VIT: variants seen among roughly 807,000 people sequenced by gnomAD.
VIT encodes the protein vitrin.
VIT carries 99 observed loss-of-function variants against 78.0 expected under a neutral mutation model. The observed-to-expected ratio is 1.27, with a 90% confidence interval of 1.08 to 1.50. The LOEUF is 1.50. Among genes scored for constraint, VIT ranks in the 40% most tolerant of loss-of-function variants. The pLI is 0.00. For synonymous variants in VIT, 374 were observed against 334.3 expected, an observed-to-expected ratio of 1.12 and a Z score of -1.29; for missense variants, 1,126 against 875.3, an observed-to-expected ratio of 1.29 and a Z score of -3.61.
At chr2:36,775,169 G>A (rs1669978522) in intron 9 of VIT, 102 bp downstream of exon 9, 2 of 1,360,122 alleles carry the variant, frequency 1.5e-6, no homozygotes, top group Admixed American at 4.4e-5. Context: ...GGCCTCTGCA[G>A]CTCAACTTCA....
At chr2:36,810,927 C>G (rs1274276519) in intron 15 of VIT, among the ~76,000 whole-genome samples, 1 of 152,160 alleles carries the variant, frequency 6.6e-6, no homozygotes, top group Non-Finnish European at 1.5e-5. Context: ...AGCCACTGCA[C>G]CTGGCTTCTG....
chr2:36,730,329 A>G (rs1445394342), intron 3 of VIT, among the ~76,000 whole-genome samples: 1 of 151,886 alleles, frequency 6.6e-6, no homozygotes, highest in African/African-American at 2.4e-5. Context: ...ATCTGGAATA[A>G]TAGATGTTTA....
intron 6 of VIT, chr2:36,759,433 C>G (rs779715303): frequency 7.1e-6 from 9 of 1,268,392 alleles, no homozygotes; most frequent in East Asian, 4.1e-5. Flanking sequence ...GCAAAGAGAA[C>G]GAGGTGGTTT....
chr2:36,745,402 C>G (rs1318228974), intron 4 of VIT, among the ~76,000 whole-genome samples: 1 of 152,046 alleles, frequency 6.6e-6, no homozygotes, highest in Admixed American at 6.6e-5. Context: ...TTGCTTTGGG[C>G]AGTATGGTCA....
rs527259786 is a variant in VIT at position 36,718,692 on chromosome 2, G to A, written c.52+2270G>A. ...CTGTCAGATGGCCATGAGAAGCCCT[G>A]AGGAACTTCTAGGTACCTGGACCAG... On this transcript the variant is annotated intron_variant, in intron 2 of 15. Coordinates refer to ENST00000379242, the MANE Select transcript of VIT (RefSeq NM_053276.4). Among the ~76,000 whole-genome samples, 18 of 152,272 alleles carry A rather than the reference G, an allele frequency of 1.2e-4. No individual in the cohort carries two copies. In the South Asian group the frequency reaches 3.7e-3, roughly 32 times the overall value.
chr2:36,793,174 G>T (rs1340009350), intron 12 of VIT, among the ~76,000 whole-genome samples: 2 of 152,154 alleles, frequency 1.3e-5, no homozygotes, highest in African/African-American at 4.8e-5. Context: ...GAGCCAGTTT[G>T]TTCAGGAGTG....
chr2:36,711,376 G>A (rs1160566162), intron 1 of VIT, among the ~76,000 whole-genome samples: 1 of 152,110 alleles, frequency 6.6e-6, no homozygotes, highest in African/African-American at 2.4e-5. Flanking sequence ...TTTAAGAAAA[G>A]TCCATTTTGC....
intron 1 of VIT, among the ~76,000 whole-genome samples, chr2:36,715,603 T>G (rs1015504743): frequency 2.0e-5 from 3 of 151,844 alleles, no homozygotes; most frequent in Admixed American, 1.3e-4. Context: ...CAAACTTGGA[T>G]GTATGTTGGA....
chr2:36,786,464 A>G (rs1034991651), intron 11 of VIT, among the ~76,000 whole-genome samples: 6 of 152,136 alleles, frequency 3.9e-5, no homozygotes, highest in African/African-American at 1.2e-4. Flanking sequence ...TATAACCTTC[A>G]TATATCCACA....
intron 1 of VIT, among the ~76,000 whole-genome samples, chr2:36,700,888 G>GA (rs1329608316): frequency 6.6e-6 from 1 of 151,830 alleles, no homozygotes; most frequent in Non-Finnish European, 1.5e-5. Flanking sequence ...TTATACAGAT[G>GA]AAAAAAACGA....
chr2:36,734,277 C>T (rs530923951), intron 3 of VIT, among the ~76,000 whole-genome samples: 2 of 152,324 alleles, frequency 1.3e-5, no homozygotes, highest in East Asian at 3.9e-4. Flanking sequence ...TCTAACCTCT[C>T]TTTTAGAAGC....
At position 36,733,841 on chromosome 2, in the gene VIT, G is replaced by C. The variant is rs560178163; in HGVS notation, c.118+4350G>C. ...TCCTAAGAGGACAGGGTGGTGGGGG[G>C]CAGTGGCTCTCTCCTCTTCACTAAA... On this transcript the variant is annotated intron_variant, in intron 3 of 15. Transcript: ENST00000379242. Among the ~76,000 whole-genome samples the C allele has an allele frequency of 1.3e-4, 20 of 152,230 alleles. No homozygotes were observed. In the South Asian group the frequency reaches 3.5e-3, roughly 27 times the overall value.
At chr2:36,796,609 CT>C (rs1181365211) in intron 12 of VIT, among the ~76,000 whole-genome samples, 4 of 151,982 alleles carry the variant, frequency 2.6e-5, no homozygotes, top group Non-Finnish European at 5.9e-5. Flanking sequence ...ACATTAAATA[CT>C]TTTTTTCTGT....
chr2:36,768,467 T>C (rs746500412), intron 7 of VIT, among the ~76,000 whole-genome samples: 19 of 152,242 alleles, frequency 1.2e-4, no homozygotes, highest in Admixed American at 6.5e-5. Context: ...ATCAGCACTT[T>C]GAATATGCTA....
At chr2:36,801,948 G>C (rs1239731299) in intron 13 of VIT, among the ~76,000 whole-genome samples, 1 of 152,170 alleles carries the variant, frequency 6.6e-6, no homozygotes, top group Non-Finnish European at 1.5e-5. Context: ...CTGCTGTCCT[G>C]ACTATTTTTT....
chr2:36,745,793 A>T (rs6717485), intron 4 of VIT, among the ~76,000 whole-genome samples: 85,109 of 151,914 alleles, frequency 0.56, 24,244 homozygotes, highest in Middle Eastern at 0.62. Flanking sequence ...AAATTCCTTT[A>T]ATGTATTTCT....
Position 36,805,586 on chromosome 2 carries a change from C to A in VIT, c.1311C>A (p.Ile437=). ...EASRLARESG[I]NIFFITIEGA... ...CAAGACTTGCGAGAGAGTCAGGAAT[C>A]AACATTTTCTTCATCACCATTGAAG... Residue 437 remains isoleucine (I), a synonymous_variant, in exon 14 of 16, where the codon ATC becomes ATA. Coordinates refer to ENST00000379242, the MANE Select transcript of VIT (RefSeq NM_053276.4). The A allele has an allele frequency of 6.2e-7, 1 of 1,614,124 alleles. No homozygotes were observed. Among genetic ancestry groups the A allele is most frequent in the South Asian group, 1.1e-5 (1 of 91,074 alleles).
At chr2:36,712,865 A>C (rs1665892367) in intron 1 of VIT, among the ~76,000 whole-genome samples, 1 of 152,248 alleles carries the variant, frequency 6.6e-6, no homozygotes, top group South Asian at 2.1e-4. Flanking sequence ...TGTATAATTC[A>C]GTAGTTTCTA....
intron 12 of VIT, chr2:36,787,885 T>G: frequency 2.2e-6 from 1 of 453,362 alleles, no homozygotes; most frequent in South Asian, 1.6e-5. Context: ...CCTAGATGAC[T>G]TTCGCCAACC....
Sources: allele counts gnomAD v4.1 joint callset (sites outside exome capture counted in the v4.1 genomes callset), GRCh38; gene constraint gnomAD v4.1.1; transcripts MANE v1.5; gene names NCBI Gene and HGNC (gene_info 2026-07-23, HGNC 2026-07-21).